Variants in IL1RAPL2 observed in about 807,000 individuals in gnomAD.
IL1RAPL2 encodes X-linked interleukin-1 receptor accessory protein-like 2.
A neutral mutation model predicts 44.1 loss-of-function variants in IL1RAPL2; 3 were observed. That is an observed-to-expected ratio of 0.07 (90% CI 0.03 to 0.18). The LOEUF (loss-of-function observed/expected upper bound fraction) is 0.18. Among genes scored for constraint, IL1RAPL2 ranks in the 10% least tolerant of loss-of-function variants. The pLI is 1.00. For synonymous variants in IL1RAPL2, 181 were observed against 178.8 expected (o/e 1.01, Z -0.10); for missense variants, 391 against 496.4 (o/e 0.79, Z 2.02).
At chrX:105,551,548 T>A (rs1285353142) in intron 6 of IL1RAPL2, among the ~76,000 whole-genome samples, 1 of 111,598 alleles carries the variant, frequency 9.0e-6, no homozygotes, top group Non-Finnish European at 1.9e-5. Context: ...CAGGAGCTAA[T>A]ATAAATTTTT....
intron 5 of IL1RAPL2, among the ~76,000 whole-genome samples, chrX:105,415,646 A>T (rs1461493521): frequency 1.8e-5 from 2 of 111,371 alleles, no homozygotes; most frequent in African/African-American, 3.3e-5. Context: ...TTCTTAAATG[A>T]TCTTAAAGTA....
chrX:104,751,148 T>C (rs755317516), intron 2 of IL1RAPL2, among the ~76,000 whole-genome samples: 2 of 111,616 alleles, frequency 1.8e-5, no homozygotes, highest in African/African-American at 6.5e-5. Context: ...CCTCTACAAA[T>C]GGCAGATTAA....
intron 6 of IL1RAPL2, among the ~76,000 whole-genome samples, chrX:105,556,759 T>G (rs1367576251): frequency 8.9e-6 from 1 of 112,119 alleles, no homozygotes; most frequent in Non-Finnish European, 1.9e-5. Flanking sequence ...TAGTTTTAAT[T>G]TGCTCACCAC....
At chrX:105,467,762 G>A (rs934529157) in intron 5 of IL1RAPL2, among the ~76,000 whole-genome samples, 6 of 111,620 alleles carry the variant, frequency 5.4e-5, no homozygotes, top group African/African-American at 2.0e-4. Context: ...GTGTCACCTT[G>A]GAAACAGGAA....
chrX:105,013,452 T>G (rs781126424), intron 2 of IL1RAPL2, among the ~76,000 whole-genome samples: 1 of 110,495 alleles, frequency 9.1e-6, no homozygotes, highest in South Asian at 3.9e-4. Flanking sequence ...GTAGCGATAC[T>G]CTGGTAGGCA....
chrX:105,300,175 TTAC>T (rs1353235858), intron 5 of IL1RAPL2, among the ~76,000 whole-genome samples: 1 of 111,606 alleles, frequency 9.0e-6, no homozygotes, highest in African/African-American at 3.3e-5. Context: ...CATTCTCACA[TTAC>T]TATAAAGAAA....
chrX:104,925,311 A>G (rs921220491), intron 2 of IL1RAPL2, among the ~76,000 whole-genome samples: 1 of 109,970 alleles, frequency 9.1e-6, no homozygotes, highest in African/African-American at 3.3e-5. Flanking sequence ...TACTGAAACT[A>G]TTCCAAAAAA....
In IL1RAPL2 at chrX:105,167,643, C is replaced by T. The variant is rs898896045; in HGVS notation, c.83-27832C>T. On this transcript the variant is annotated intron_variant, in intron 2 of 10. Transcript: ENST00000372582. ...TCCCCCCGCCCACCCCCCCACATAC[C>T]CACATCCATGTGGCTTCACTTGCAG... Among the ~76,000 whole-genome samples the T allele has an allele frequency of 1.2e-3, 100 of 82,988 alleles. 1 individual carries two copies. Among genetic ancestry groups the T allele is most frequent in the South Asian group, 2.9e-3 (3 of 1,042 alleles). The allele number at this position is 82,988 out of a possible 115,157, so 72.1% of individuals were successfully genotyped here. A position where few individuals can be genotyped will look rare whatever the true frequency, so the allele number is the denominator to read the frequency against.
At chrX:104,674,226 G>T (rs1329319881) in intron 2 of IL1RAPL2, among the ~76,000 whole-genome samples, 1 of 111,837 alleles carries the variant, frequency 8.9e-6, no homozygotes, top group Non-Finnish European at 1.9e-5. Flanking sequence ...TATGATATCG[G>T]CTGTGGGTTT....
chrX:105,161,118 T>C (rs1291777563), intron 2 of IL1RAPL2, among the ~76,000 whole-genome samples: 1 of 110,303 alleles, frequency 9.1e-6, no homozygotes, highest in East Asian at 2.9e-4. Context: ...AGCATGTGCC[T>C]GTGGTCTCAG....
At chrX:105,145,536 C>A (rs2147585958) in intron 2 of IL1RAPL2, among the ~76,000 whole-genome samples, 1 of 111,443 alleles carries the variant, frequency 9.0e-6, no homozygotes, top group African/African-American at 3.3e-5. Flanking sequence ...TCAAAATTGC[C>A]CAGCTGCTAA....
intron 2 of IL1RAPL2, among the ~76,000 whole-genome samples, chrX:104,953,337 A>G (rs994807724): frequency 8.9e-6 from 1 of 112,006 alleles, no homozygotes; most frequent in African/African-American, 3.2e-5. Flanking sequence ...AAATAACATA[A>G]CTAAGTTAGA....
At chrX:105,436,151 A>T (rs1252358819) in intron 5 of IL1RAPL2, among the ~76,000 whole-genome samples, 1 of 111,448 alleles carries the variant, frequency 9.0e-6, no homozygotes, top group Non-Finnish European at 1.9e-5. Flanking sequence ...AGACCCAAAA[A>T]GTTACATACT....
intron 2 of IL1RAPL2, among the ~76,000 whole-genome samples, chrX:104,778,636 CTCTT>C (rs1318190773): frequency 1.0e-5 from 1 of 97,336 alleles, no homozygotes; most frequent in Non-Finnish European, 2.1e-5. Flanking sequence ...GTACAGATAT[CTCTT>C]TGAGACTCTG....
chrX:105,430,495 A>G (rs1329433327), intron 5 of IL1RAPL2, among the ~76,000 whole-genome samples: 1 of 111,430 alleles, frequency 9.0e-6, no homozygotes, highest in Non-Finnish European at 1.9e-5. Flanking sequence ...CTATATCTTA[A>G]TCCATATAAT....
intron 2 of IL1RAPL2, among the ~76,000 whole-genome samples, chrX:105,186,990 C>T (rs1195897498): frequency 8.9e-6 from 1 of 111,808 alleles, no homozygotes; most frequent in Non-Finnish European, 1.9e-5. Flanking sequence ...TGCTATACTT[C>T]ACCAACCCTT....
intron 2 of IL1RAPL2, among the ~76,000 whole-genome samples, chrX:104,892,225 A>G (rs1316391373): frequency 4.5e-5 from 5 of 111,723 alleles, no homozygotes; most frequent in African/African-American, 1.6e-4. Context: ...TTTTGCATCA[A>G]TGTTCATCAA....
At chrX:105,733,593 T>C (rs192867896) in intron 7 of IL1RAPL2, among the ~76,000 whole-genome samples, 30 of 111,482 alleles carry the variant, frequency 2.7e-4, no homozygotes, top group African/African-American at 9.4e-4. Context: ...GAGGTTTCTA[T>C]TGACATATCT....
At chrX:105,552,105 CAAA>C (rs34788343) in intron 6 of IL1RAPL2, among the ~76,000 whole-genome samples, 1 of 67,410 alleles carries the variant, frequency 1.5e-5, no homozygotes, top group Non-Finnish European at 2.9e-5. Flanking sequence ...GACTCCATTT[CAAA>C]AAAAAAAAAA....
Sources: gnomAD v4.1 joint callset for allele counts (sites outside exome capture counted in the v4.1 genomes callset) on GRCh38, gnomAD v4.1.1 for gene constraint, MANE v1.5 for transcripts, NCBI Gene and HGNC (gene_info 2026-07-23, HGNC 2026-07-21) for gene names.